Variants in ARMC9 observed in about 807,000 individuals in gnomAD.
ARMC9 encodes the protein lisH domain-containing protein ARMC9.
A neutral mutation model predicts 107.0 loss-of-function variants in ARMC9; 94 were observed. The ratio of observed to expected loss-of-function variants is 0.88; its 90% CI spans 0.74 to 1.04. The LOEUF is 1.04. Ranked by LOEUF, ARMC9 falls within the 50% of genes least tolerant of loss-of-function variation. The pLI is 0.00. For missense variants in ARMC9, 942 were observed against 1,030.1 expected (o/e 0.91, Z 1.17); for synonymous variants, 380 against 396.9 (o/e 0.96, Z 0.51).
At chr2:231,259,233 A>G (rs1336306143) in intron 11 of ARMC9, 131 bp downstream of exon 11, 1 of 789,318 alleles carries the variant, frequency 1.3e-6, no homozygotes, top group African/African-American at 1.8e-5. Flanking sequence ...TGACACCAAG[A>G]ACGGAAGTCA....
chr2:231,229,456 C>T lies in ARMC9; in HGVS notation c.622+2658C>T, dbSNP rs114137290. Among the ~76,000 whole-genome samples the T allele has an allele frequency of 2.9e-3, 445 of 152,250 alleles. 2 individuals carry two copies. The highest frequency in any genetic ancestry group is 0.01 in the African/African-American group (427 of 41,536). On this transcript the variant is annotated intron_variant, in intron 7 of 24. Transcript: ENST00000611582. ...CAGAAACTTCTCTCAGAAGGAATTA[C>T]GTTTGAAATGCTGTGTGGAATAAAA... is the stretch of plus-strand genomic sequence containing the variant.
At chr2:231,321,795 A>G (rs2043010700) in intron 19 of ARMC9, among the ~76,000 whole-genome samples, 1 of 152,108 alleles carries the variant, frequency 6.6e-6, no homozygotes, top group African/African-American at 2.4e-5. Flanking sequence ...CTGCTGGGGC[A>G]CTGGGTCCCT....
At chr2:231,216,414 C>T (rs1367773082) in intron 4 of ARMC9, among the ~76,000 whole-genome samples, 1 of 152,112 alleles carries the variant, frequency 6.6e-6, no homozygotes, top group African/African-American at 2.4e-5. Context: ...TAAAAAGCAG[C>T]ATATTGAACT....
At chr2:231,288,397 ACAGAACTTGTGT>A (rs1266643490) in intron 17 of ARMC9, among the ~76,000 whole-genome samples, 2 of 152,196 alleles carry the variant, frequency 1.3e-5, no homozygotes, top group Non-Finnish European at 2.9e-5. Flanking sequence ...AGTTTTCTAT[ACAGAACTTGTGT>A]CACTTTCATA....
At chr2:231,300,868 G>C (rs115439999) in intron 19 of ARMC9, among the ~76,000 whole-genome samples, 3 of 152,120 alleles carry the variant, frequency 2.0e-5, no homozygotes, top group Non-Finnish European at 4.4e-5. Flanking sequence ...GATGGCTGGC[G>C]TGGGGTAAAG....
At chr2:231,229,477 T>C (rs1283599088) in intron 7 of ARMC9, among the ~76,000 whole-genome samples, 2 of 152,212 alleles carry the variant, frequency 1.3e-5, no homozygotes, top group African/African-American at 4.8e-5. Context: ...CTGTGTGGAA[T>C]AAAAACAGGT....
At chr2:231,289,367 T>C (rs2040830901) in intron 17 of ARMC9, among the ~76,000 whole-genome samples, 1 of 152,176 alleles carries the variant, frequency 6.6e-6, no homozygotes, top group Non-Finnish European at 1.5e-5. Context: ...CTTGGGAGGC[T>C]AAGGTAGGAG....
intron 6 of ARMC9, 79 bp from the exon 7 acceptor site, chr2:231,226,695 C>T (rs1021670047): frequency 2.0e-6 from 3 of 1,509,312 alleles, no homozygotes; most frequent in Non-Finnish European, 1.8e-6. Flanking sequence ...GGTGCTTTCT[C>T]ACATTGGCCA....
chr2:231,362,733 G>C lies in ARMC9; in HGVS notation c.2261+1850G>C, dbSNP rs2045641876. Reference sequence around the variant, plus strand: ...TAGAATATTTCGGCATTCTAGATGAGAGATATATATATACCTCATATGTAT... The same window carrying C: ...TAGAATATTTCGGCATTCTAGATGACAGATATATATATACCTCATATGTAT... On this transcript the variant is annotated intron_variant, in intron 23 of 24. Transcript: ENST00000611582. This position sits in a 1 kb window ranked among gnomAD's most constrained non-coding sequence, Gnocchi z 4.7. The C allele has an allele frequency of 6.5e-6, 1 of 152,938 alleles. No individual in the cohort carries two copies. Among genetic ancestry groups the C allele is most frequent in the Non-Finnish European group, 1.5e-5 (1 of 67,916 alleles). 9.5% of individuals were successfully genotyped at this position (152,938 alleles called of 1,614,324 possible).
chr2:231,360,413 A>G lies in ARMC9; in HGVS notation c.2132-341A>G, dbSNP rs994182618. Among the ~76,000 whole-genome samples the G allele has an allele frequency of 6.6e-6, 1 of 152,150 alleles. No individual in the cohort carries two copies. Among genetic ancestry groups the G allele is most frequent in the Non-Finnish European group, 1.5e-5 (1 of 68,008 alleles). ...TTCAGATAAGCAAATGGGCCTCCAC[A>G]TTCTGTCTGGGGGCGCCTAGCCATG... On this transcript the variant is annotated intron_variant, in intron 22 of 24. Transcript: ENST00000611582. The surrounding 1 kb of genome is among the most constrained non-coding windows in gnomAD (Gnocchi z 4.7).
chr2:231,348,950 G>A (rs1002150279), intron 21 of ARMC9, among the ~76,000 whole-genome samples: 2 of 152,222 alleles, frequency 1.3e-5, no homozygotes, highest in African/African-American at 4.8e-5. Flanking sequence ...TGGCAAGGAT[G>A]TGGAGAAAAG....
intron 9 of ARMC9, among the ~76,000 whole-genome samples, chr2:231,242,212 T>C (rs114404595): frequency 9.6e-4 from 146 of 151,980 alleles, no homozygotes; most frequent in African/African-American, 3.3e-3. Flanking sequence ...TTCCTGGTGC[T>C]AAGACCCGGG....
intron 14 of ARMC9, among the ~76,000 whole-genome samples, chr2:231,276,261 A>C (rs1393163476): frequency 1.3e-5 from 2 of 149,264 alleles, no homozygotes; most frequent in African/African-American, 4.9e-5. Context: ...ATGCATTCAC[A>C]TTACTGTTTC....
chr2:231,272,704 C>T (rs182833994), intron 13 of ARMC9, among the ~76,000 whole-genome samples: 4 of 151,262 alleles, frequency 2.6e-5, no homozygotes, highest in African/African-American at 4.9e-5. Context: ...TTAATAGAGA[C>T]GGGGTTTCAC....
At chr2:231,313,125 G>A (rs977337531) in intron 19 of ARMC9, among the ~76,000 whole-genome samples, 3 of 152,060 alleles carry the variant, frequency 2.0e-5, no homozygotes, top group Non-Finnish European at 4.4e-5. Context: ...TTTCAATTCT[G>A]TCAGTTTTGG....
chr2:231,363,136 G>A (rs1050065981), intron 23 of ARMC9, among the ~76,000 whole-genome samples: 2 of 152,232 alleles, frequency 1.3e-5, no homozygotes, highest in African/African-American at 4.8e-5. Context: ...AGGGCATGCA[G>A]GAGTGTGCAC....
intron 1 of ARMC9, among the ~76,000 whole-genome samples, chr2:231,205,643 G>A (rs1003838332): frequency 3.9e-5 from 6 of 152,190 alleles, no homozygotes; most frequent in African/African-American, 1.4e-4. Flanking sequence ...GTATTTCCTA[G>A]TGCCGCTGAA....
At chr2:231,361,260 G>C (rs2045566139) in intron 23 of ARMC9, among the ~76,000 whole-genome samples, 1 of 152,092 alleles carries the variant, frequency 6.6e-6, no homozygotes, top group African/African-American at 2.4e-5. Context: ...GATGGAGAAG[G>C]AGGTGAGTAA....
chr2:231,263,676 A>G (rs921957660), intron 12 of ARMC9, among the ~76,000 whole-genome samples: 3 of 152,252 alleles, frequency 2.0e-5, no homozygotes, highest in African/African-American at 7.2e-5. Flanking sequence ...CATACAGGCA[A>G]TACAATCTGA....
Sources: allele counts gnomAD v4.1 joint callset (sites outside exome capture counted in the v4.1 genomes callset), GRCh38; gene constraint gnomAD v4.1.1; non-coding constraint Gnocchi (gnomAD v3.1); transcripts MANE v1.5; gene names NCBI Gene and HGNC (gene_info 2026-07-23, HGNC 2026-07-21).